The following PPP6R2 variants were observed in gnomAD, a reference collection of about 807,000 sequenced individuals.
The protein encoded by PPP6R2 is serine/threonine-protein phosphatase 6 regulatory subunit 2.
Under a neutral mutation model 100.2 loss-of-function variants are expected in PPP6R2, and 62 were observed. The observed-to-expected ratio is 0.62, with a 90% CI of 0.50 to 0.76. The LOEUF (loss-of-function observed/expected upper bound fraction) is 0.76, where lower values mean the gene tolerates loss of function less well. Ranked by LOEUF, PPP6R2 falls within the 30% of genes least tolerant of loss-of-function variation. The pLI is 0.00. For missense variants in PPP6R2, 1,142 were observed against 1,276.3 expected (o/e 0.89, Z 1.60); for synonymous variants, 525 against 514.7 (o/e 1.02, Z -0.27).
At chr22:50,434,839 A>T (rs552416064) in intron 12 of PPP6R2, 127 bp from the exon 13 acceptor site, 26 of 643,164 alleles carry the variant, frequency 4.0e-5, no homozygotes, top group Middle Eastern at 2.8e-4. Context: ...GGGCGCGGAC[A>T]CTGGGCAGGG....
In PPP6R2 at chr22:50,445,017, T is replaced by TTTTA. The variant is rs1451250406; in HGVS notation, c.*771_*774dup. On this transcript the variant is annotated 3_prime_UTR_variant, in exon 24 of 24. Coordinates refer to ENST00000612753, the MANE Select transcript of PPP6R2 (RefSeq NM_001242898.2). ...GAAGATTATTTTACGTTGAGTCCAT[T>TTTTA]TTTAATGTTCTGATCACCTGACAGG... is the stretch of plus-strand genomic sequence containing the variant. 6.6e-6 allele frequency: 1 copy of TTTTA among 152,576 alleles called. No homozygotes were observed. Among genetic ancestry groups the TTTTA allele is most frequent in the Admixed American group, 6.5e-5 (1 of 15,270 alleles). The allele number at this position is 152,576 out of a possible 1,614,324, so 9.5% of individuals were successfully genotyped here.
intron 1 of PPP6R2, among the ~76,000 whole-genome samples, chr22:50,363,998 G>A (rs960827766): frequency 3.3e-5 from 5 of 151,698 alleles, no homozygotes; most frequent in South Asian, 2.1e-4. Flanking sequence ...GGGTTCAGGC[G>A]ATTCTCCTGC....
chr22:50,410,867 A>C (rs1289359179), intron 4 of PPP6R2, among the ~76,000 whole-genome samples: 1 of 152,032 alleles, frequency 6.6e-6, no homozygotes, highest in Non-Finnish European at 1.5e-5. Context: ...ATCTCGGCTC[A>C]CTGCAACCTC....
At chr22:50,356,305 C>CT (rs542422707) in intron 1 of PPP6R2, among the ~76,000 whole-genome samples, 9,146 of 135,276 alleles carry the variant, frequency 0.068, 422 homozygotes, top group Non-Finnish European at 0.093. Flanking sequence ...TCTATTTTTC[C>CT]TTTTTTTTTT....
upstream of PPP6R2, among the ~76,000 whole-genome samples, chr22:50,340,845 A>T (rs1312013223): frequency 1.3e-5 from 2 of 151,800 alleles, no homozygotes; most frequent in African/African-American, 4.8e-5. Context: ...AACAGCAGGG[A>T]CTTTGTCGTT....
At chr22:50,337,922 TGTGTGGG>T in the PPP6R2 span, among the ~76,000 whole-genome samples, 5 of 129,818 alleles carry the variant, frequency 3.9e-5, no homozygotes, top group South Asian at 1.4e-3. Context: ...GTGTGTGTGG[TGTGTGGG>T]GTGTGTGCAT....
chr22:50,349,573 C>G (rs2044545781), intron 1 of PPP6R2, among the ~76,000 whole-genome samples: 1 of 152,064 alleles, frequency 6.6e-6, no homozygotes, highest in African/African-American at 2.4e-5. Flanking sequence ...TGCCTGTAAT[C>G]CCAGCAGTTT....
intron 2 of PPP6R2, among the ~76,000 whole-genome samples, chr22:50,389,771 G>A (rs777906506): frequency 2.6e-5 from 4 of 151,698 alleles, no homozygotes; most frequent in Non-Finnish European, 5.9e-5. Flanking sequence ...GCTAATTTTT[G>A]TATTTGTGGT....
chr22:50,435,017 C>T lies in PPP6R2; in HGVS notation c.1452C>T (p.Ala484=). 1 of 1,604,288 alleles carries T rather than the reference C, an allele frequency of 6.2e-7. No individual in the cohort carries two copies. Among genetic ancestry groups the T allele is most frequent in the Non-Finnish European group, 8.5e-7 (1 of 1,175,440 alleles). The change falls in exon 13 of 24, where the codon GCC becomes GCT. Residue 484 remains alanine, a synonymous_variant. Coordinates refer to ENST00000612753, the MANE Select transcript of PPP6R2 (RefSeq NM_001242898.2). Reference sequence around the variant, plus strand: ...ACATGGGCCACCTCACACGGATCGCCAACGCGGTGGTGCAGAACCTGGAGC... The same window carrying T: ...ACATGGGCCACCTCACACGGATCGCTAACGCGGTGGTGCAGAACCTGGAGC... ...RGNMGHLTRI[A]NAVVQNLERG...
chr22:50,401,204 T>C (rs2057958541), intron 3 of PPP6R2, among the ~76,000 whole-genome samples: 2 of 152,120 alleles, frequency 1.3e-5, no homozygotes, highest in Admixed American at 6.6e-5. Context: ...TCTGTCATAT[T>C]TTAAAATTTT....
chr22:50,363,893 CTT>C (rs1247300028), intron 1 of PPP6R2, among the ~76,000 whole-genome samples: 24 of 139,876 alleles, frequency 1.7e-4, no homozygotes, highest in East Asian at 2.0e-4. Flanking sequence ...GATTTTCAAA[CTT>C]TTTTTTTTTT....
intron 2 of PPP6R2, among the ~76,000 whole-genome samples, chr22:50,381,027 T>G (rs1366428023): frequency 7.3e-6 from 1 of 136,758 alleles, no homozygotes; most frequent in Non-Finnish European, 1.5e-5. Flanking sequence ...GGCAGGAGAA[T>G]CACTTGAACC....
chr22:50,350,035 T>C (rs964673644), intron 1 of PPP6R2, among the ~76,000 whole-genome samples: 1 of 152,008 alleles, frequency 6.6e-6, no homozygotes, highest in East Asian at 1.9e-4. Context: ...GGAGAATGCC[T>C]TGAACCCAGG....
At chr22:50,382,083 C>G (rs1284246678) in intron 2 of PPP6R2, among the ~76,000 whole-genome samples, 1 of 152,002 alleles carries the variant, frequency 6.6e-6, no homozygotes, top group Non-Finnish European at 1.5e-5. Context: ...GGAAAGAAGA[C>G]AGGGTGCATG....
At chr22:50,424,633 C>CTTTTTTTTTTTTTTTTTTTT (rs71198247) in intron 10 of PPP6R2, among the ~76,000 whole-genome samples, 1 of 74,252 alleles carries the variant, frequency 1.3e-5, no homozygotes, top group Non-Finnish European at 2.5e-5. Flanking sequence ...CCCTCTTCTT[C>CTTTTTTTTTTTTTTTTTTTT]TTTTTTTTTT....
At chr22:50,391,184 A>G (rs982758534) in intron 2 of PPP6R2, among the ~76,000 whole-genome samples, 14 of 151,736 alleles carry the variant, frequency 9.2e-5, no homozygotes, top group African/African-American at 3.4e-4. Flanking sequence ...CTGTAATCCC[A>G]GCACTGTGGG....
At chr22:50,411,765 G>A (rs985720526) in intron 4 of PPP6R2, among the ~76,000 whole-genome samples, 2 of 148,738 alleles carry the variant, frequency 1.3e-5, no homozygotes, top group Non-Finnish European at 3.0e-5. Flanking sequence ...CAAAAACAAG[G>A]CCTGGCGCAG....
intron 10 of PPP6R2, among the ~76,000 whole-genome samples, chr22:50,430,409 A>G (rs2062911481): frequency 6.6e-6 from 1 of 152,266 alleles, no homozygotes; most frequent in African/African-American, 2.4e-5. Flanking sequence ...AATTCATGAG[A>G]AAGACAGAAT....
intron 10 of PPP6R2, among the ~76,000 whole-genome samples, chr22:50,425,512 A>T (rs539815628): frequency 5.9e-5 from 9 of 152,334 alleles, no homozygotes; most frequent in East Asian, 1.9e-4. Flanking sequence ...AAGTAAGAAG[A>T]AGTTCTTCTG....
Sources: gnomAD v4.1 joint callset for allele counts (sites outside exome capture counted in the v4.1 genomes callset) on GRCh38, gnomAD v4.1.1 for gene constraint, MANE v1.5 for transcripts, NCBI Gene and HGNC (gene_info 2026-07-23, HGNC 2026-07-21) for gene names.